Variants in AGK observed in about 807,000 individuals in gnomAD.
The protein encoded by AGK is acylglycerol kinase, mitochondrial.
In AGK, 52 loss-of-function variants were observed where a neutral mutation model predicts 66.4. The ratio of observed to expected loss-of-function variants is 0.78; its 90% CI spans 0.63 to 0.99. The LOEUF (loss-of-function observed/expected upper bound fraction) is 0.99. Ranked by LOEUF, AGK falls within the 50% of genes least tolerant of loss-of-function variation. AGK has a pLI of 0.00. For missense variants in AGK, 451 were observed against 506.6 expected (o/e 0.89, Z 1.05); for synonymous variants, 182 against 181.1 (o/e 1.00, Z -0.04).
intron 13 of AGK, among the ~76,000 whole-genome samples, chr7:141,643,884 T>C (rs1350044632): frequency 3.3e-5 from 5 of 152,146 alleles, no homozygotes; most frequent in African/African-American, 1.2e-4. Flanking sequence ...GGTGTGTGTT[T>C]CTGATGGGAA....
intron 11 of AGK, 97 bp from the exon 12 acceptor site, chr7:141,641,151 C>T: frequency 1.8e-6 from 2 of 1,102,054 alleles, no homozygotes; most frequent in East Asian, 2.5e-5. Flanking sequence ...CACTTTCTAG[C>T]AGGTATAGGT....
At chr7:141,642,639 C>G (rs1167916686) in intron 13 of AGK, among the ~76,000 whole-genome samples, 1 of 152,156 alleles carries the variant, frequency 6.6e-6, no homozygotes, top group African/African-American at 2.4e-5. Flanking sequence ...GGTCTGCCAC[C>G]TGTTTTTATA....
chr7:141,621,669 G>T, intron 8 of AGK, 63 bp from the exon 9 acceptor site: 3 of 1,023,980 alleles, frequency 2.9e-6, no homozygotes, highest in East Asian at 4.8e-5. Context: ...AGTGCATGTG[G>T]CAGTGTGGTG....
chr7:141,577,477 T>TAG (rs1795771150), intron 2 of AGK, among the ~76,000 whole-genome samples: 2 of 152,324 alleles, frequency 1.3e-5, no homozygotes, highest in South Asian at 4.1e-4. Context: ...CCTTGTCATG[T>TAG]GACCACAAAA....
At chr7:141,551,598 A>G (rs1032264151) in intron 1 of AGK, among the ~76,000 whole-genome samples, 164 bp downstream of exon 1, 1 of 151,982 alleles carries the variant, frequency 6.6e-6, no homozygotes, top group East Asian at 1.9e-4. Context: ...TCGTGGGTGC[A>G]GGCGGCGGCG....
chr7:141,616,454 T>C (rs1796702727), intron 8 of AGK: 2 of 152,168 alleles, frequency 1.3e-5, no homozygotes, highest in Non-Finnish European at 2.9e-5. Context: ...TCTGTTTTGG[T>C]TAAGGATTTT....
At chr7:141,578,769 C>A (rs1334561182) in intron 2 of AGK, among the ~76,000 whole-genome samples, 1 of 151,842 alleles carries the variant, frequency 6.6e-6, no homozygotes, top group Non-Finnish European at 1.5e-5. Context: ...ACAGAAGACA[C>A]AAGGTCCGAA....
chr7:141,615,122 G>T (rs1464858814), intron 7 of AGK, among the ~76,000 whole-genome samples: 1 of 152,182 alleles, frequency 6.6e-6, no homozygotes, highest in African/African-American at 2.4e-5. Context: ...AATTTTATCT[G>T]CAACTTTATC....
At chr7:141,557,768 T>G (rs1316620034) in intron 2 of AGK, among the ~76,000 whole-genome samples, 1 of 152,248 alleles carries the variant, frequency 6.6e-6, no homozygotes, top group Non-Finnish European at 1.5e-5. Flanking sequence ...TGCAAACTCT[T>G]GTTGTCCTAT....
At chr7:141,564,713 TTTC>T (rs757310051) in intron 2 of AGK, among the ~76,000 whole-genome samples, 10 of 152,260 alleles carry the variant, frequency 6.6e-5, no homozygotes, top group South Asian at 4.1e-4. Flanking sequence ...TCTCTGGCTG[TTTC>T]TTCTTCTTCT....
At position 141,649,255 on chromosome 7, in the gene AGK, C is replaced by G. The variant is rs756592856; in HGVS notation, c.976-8C>G. 10 of 1,610,194 alleles carry G rather than the reference C, an allele frequency of 6.2e-6. No homozygotes were observed. The Admixed American group carries it at 1.5e-4, about 24-fold the overall frequency. On this transcript the variant is annotated splice_region_variant and splice_polypyrimidine_tract_variant and intron_variant, in intron 13 of 15. Coordinates refer to ENST00000649286, the MANE Select transcript of AGK (RefSeq NM_018238.4). ...GAGTAATGACGTTAGTGTTCTTAAC[C>G]TTTTTAGAGCAAAGAAGATTTTCTG...
In AGK at chr7:141,641,923, T is replaced by C. The variant is rs1237809207; in HGVS notation, c.975+15T>C. ...TTGACCCGACAGTAAGTGTGCTTTT[T>C]TATTAGAAAAGCATTTGGTACCTAA... is the stretch of plus-strand genomic sequence containing the variant. On this transcript the variant is annotated intron_variant, in intron 13 of 15. Transcript: ENST00000649286. The C allele has an allele frequency of 2.6e-6, 4 of 1,559,998 alleles. No homozygotes were observed. The highest frequency in any genetic ancestry group is 3.5e-6 in the Non-Finnish European group (4 of 1,148,980).
At chr7:141,586,429 A>G (rs1291798180) in intron 2 of AGK, among the ~76,000 whole-genome samples, 1 of 152,210 alleles carries the variant, frequency 6.6e-6, no homozygotes, top group African/African-American at 2.4e-5. Flanking sequence ...GTCTGAGCAC[A>G]GTGAGTCAAT....
rs1480236325 is a variant in AGK at position 141,615,649 on chromosome 7, G to C, written c.518+84G>C. On this transcript the variant is annotated intron_variant, in intron 8 of 15. Coordinates refer to ENST00000649286, the MANE Select transcript of AGK (RefSeq NM_018238.4). ...TTTATGTGTATGCTATAACTTTCTT[G>C]AGTTTTGATAGCCTGAAACTTCAAA... is the stretch of plus-strand genomic sequence containing the variant. The C allele has an allele frequency of 5.6e-6, 6 of 1,080,722 alleles. No homozygotes were observed. In the South Asian group the frequency reaches 6.5e-5, roughly 12 times the overall value. The allele number at this position is 1,080,722 out of a possible 1,614,324, so 66.9% of individuals were successfully genotyped here.
intron 2 of AGK, among the ~76,000 whole-genome samples, chr7:141,566,375 T>C (rs1795468438): frequency 1.3e-5 from 2 of 152,232 alleles, no homozygotes; most frequent in Admixed American, 6.5e-5. Flanking sequence ...TAGAAGATAC[T>C]TGACACACAT....
chr7:141,621,263 G>A (rs556864434), intron 8 of AGK, among the ~76,000 whole-genome samples: 4 of 152,222 alleles, frequency 2.6e-5, no homozygotes, highest in South Asian at 2.1e-4. Flanking sequence ...TAGTAGTCCT[G>A]GAAAATAAGA....
At chr7:141,583,824 C>A (rs1256659858) in intron 2 of AGK, among the ~76,000 whole-genome samples, 1 of 151,672 alleles carries the variant, frequency 6.6e-6, no homozygotes, top group African/African-American at 2.4e-5. Flanking sequence ...AAGATGGCAC[C>A]AAGATTGAAA....
In AGK at chr7:141,655,130, T is replaced by A. The variant is rs1235866180; in HGVS notation, c.*2206T>A. The A allele has an allele frequency of 6.6e-6, 1 of 152,220 alleles. No individual in the cohort carries two copies. 9.4% of individuals were successfully genotyped at this position (152,220 alleles called of 1,614,324 possible). On this transcript the variant is annotated 3_prime_UTR_variant, in exon 16 of 16. Coordinates refer to ENST00000649286, the MANE Select transcript of AGK (RefSeq NM_018238.4). Reference sequence around the variant, plus strand: ...TTTTCTGATAGGCTACCAGTGTGTGTTTATGTGTGCTCATTTTGTGGTTCT... The same window carrying A: ...TTTTCTGATAGGCTACCAGTGTGTGATTATGTGTGCTCATTTTGTGGTTCT...
At chr7:141,582,414 G>A (rs1010858571) in intron 2 of AGK, among the ~76,000 whole-genome samples, 3 of 151,968 alleles carry the variant, frequency 2.0e-5, no homozygotes, top group African/African-American at 7.3e-5. Flanking sequence ...CTCTATTATT[G>A]TACACCTTGA....
Sources: allele counts gnomAD v4.1 joint callset (sites outside exome capture counted in the v4.1 genomes callset), GRCh38; gene constraint gnomAD v4.1.1; transcripts MANE v1.5; gene names NCBI Gene and HGNC (gene_info 2026-07-23, HGNC 2026-07-21).